The following RUBCNL variants were observed in gnomAD, a reference collection of about 807,000 sequenced individuals.
The protein encoded by RUBCNL is protein associated with UVRAG as autophagy enhancer.
In RUBCNL, 62 loss-of-function variants were observed where a neutral mutation model predicts 69.5. The observed-to-expected ratio is 0.89, with a 90% CI of 0.73 to 1.10. The LOEUF (loss-of-function observed/expected upper bound fraction) is 1.10. Among genes scored for constraint, RUBCNL ranks in the 50% least tolerant of loss-of-function variants. RUBCNL has a pLI of 0.00. For missense variants in RUBCNL, 768 were observed against 798.1 expected, an observed-to-expected ratio of 0.96 and a Z score of 0.45; for synonymous variants, 291 against 303.6, an observed-to-expected ratio of 0.96 and a Z score of 0.43.
intron 1 of RUBCNL, among the ~76,000 whole-genome samples, chr13:46,379,080 C>T (rs1374833384): frequency 6.6e-6 from 1 of 151,972 alleles, no homozygotes; most frequent in African/African-American, 2.4e-5. Context: ...CTATGAGGGC[C>T]CTTTTATTTT....
At position 46,343,327 on chromosome 13, in the gene RUBCNL, A is replaced by C; in HGVS notation, c.*58T>G. 6.3e-7 allele frequency: 1 copy of C among 1,580,144 alleles called. No individual in the cohort carries two copies. Among genetic ancestry groups the C allele is most frequent in the Non-Finnish European group, 8.6e-7 (1 of 1,160,276 alleles). ...TAAAACAATGTCACCAATAATAGAC[A>C]CAAATCGGTGTTATCATAAGGCATG... On this transcript the variant is annotated 3_prime_UTR_variant, in exon 15 of 15. Transcript: ENST00000429979.
intron 12 of RUBCNL, among the ~76,000 whole-genome samples, chr13:46,348,164 C>T (rs1214914329): frequency 1.3e-5 from 2 of 152,086 alleles, no homozygotes; most frequent in East Asian, 1.9e-4. Context: ...ATAGTGGCTG[C>T]CAGGAGTTAG....
intron 14 of RUBCNL, 26 bp from the exon 15 acceptor site, chr13:46,343,523 G>A (rs1364824497): frequency 6.2e-7 from 1 of 1,607,006 alleles, no homozygotes; most frequent in South Asian, 1.1e-5. Flanking sequence ...AGAGCCGTTA[G>A]CAAACGGTCT....
intron 9 of RUBCNL, 93 bp downstream of exon 9, chr13:46,359,393 T>C (rs2138737375): frequency 6.0e-6 from 6 of 1,004,102 alleles, no homozygotes; most frequent in East Asian, 2.9e-5. Context: ...CTTTAGCATA[T>C]GTATTTTTTT....
chr13:46,343,534 A>G (rs2048178782), intron 14 of RUBCNL, 37 bp from the exon 15 acceptor site: 2 of 1,594,056 alleles, frequency 1.3e-6, no homozygotes, highest in African/African-American at 2.7e-5. Context: ...CAAACGGTCT[A>G]TCTTGTTTTC....
In RUBCNL at chr13:46,377,915, C is replaced by G; in HGVS notation, c.-148G>C. 2 of 1,609,212 alleles carry G rather than the reference C, an allele frequency of 1.2e-6. No homozygotes were observed. Among genetic ancestry groups the G allele is most frequent in the African/African-American group, 1.3e-5 (1 of 74,990 alleles). ...CAGGAGTATGAATTTCTCGAAGAGGCAGATTGACACAGAGGAGAAAGTAAT... is the reference window on the plus strand; with the variant it reads ...CAGGAGTATGAATTTCTCGAAGAGGGAGATTGACACAGAGGAGAAAGTAAT... On this transcript the variant is annotated 5_prime_UTR_variant, in exon 2 of 15. Coordinates refer to ENST00000429979, the MANE Select transcript of RUBCNL (RefSeq NM_025113.5).
chr13:46,387,870 C>T, upstream of RUBCNL: 6 of 984,768 alleles, frequency 6.1e-6, no homozygotes, highest in Non-Finnish European at 6.0e-6. Context: ...CATGGTGGTG[C>T]TAGGAGAACC....
intron 9 of RUBCNL, among the ~76,000 whole-genome samples, chr13:46,359,110 C>T (rs2048554446): frequency 6.6e-6 from 1 of 151,892 alleles, no homozygotes; most frequent in Non-Finnish European, 1.5e-5. Flanking sequence ...GAAACCCCAT[C>T]TCTAATTTTT....
At chr13:46,357,111 G>A (rs1374910111) in intron 9 of RUBCNL, among the ~76,000 whole-genome samples, 1 of 150,970 alleles carries the variant, frequency 6.6e-6, no homozygotes, top group Admixed American at 6.6e-5. Context: ...GGGAGGCTGA[G>A]GCAGGCGGAT....
At position 46,340,709 on chromosome 13, in the gene RUBCNL, G is replaced by A. The variant is rs1470647535; in HGVS notation, c.*2676C>T. Among the ~76,000 whole-genome samples, 3 of 152,276 alleles carry A rather than the reference G, an allele frequency of 2.0e-5. No individual in the cohort carries two copies. Among genetic ancestry groups the A allele is most frequent in the Admixed American group, 1.3e-4 (2 of 15,294 alleles). ...TTCCACTCATGGTGGAGGGGAAGGG[G>A]AGCCTGCGTGTGCAGACTCCCCTTG... On this transcript the variant is annotated 3_prime_UTR_variant, in exon 15 of 15. Coordinates refer to ENST00000429979, the MANE Select transcript of RUBCNL (RefSeq NM_025113.5).
At chr13:46,377,861 G>A (rs998590363) in intron 2 of RUBCNL, 29 bp downstream of exon 2, 2 of 1,360,276 alleles carry the variant, frequency 1.5e-6, no homozygotes, top group Non-Finnish European at 2.1e-6. Flanking sequence ...GTGGCAGAGA[G>A]AAGACAAAAG....
At chr13:46,364,346 A>G (rs1253365184) in intron 5 of RUBCNL, among the ~76,000 whole-genome samples, 1 of 152,202 alleles carries the variant, frequency 6.6e-6, no homozygotes, top group Admixed American at 6.5e-5. Flanking sequence ...GCAGTAAGCT[A>G]AAACCACACC....
Position 46,368,197 on chromosome 13 carries a change from A to G in RUBCNL, c.671T>C (p.Met224Thr). 1 of 1,613,956 alleles carries G rather than the reference A, an allele frequency of 6.2e-7. No homozygotes were observed. Among genetic ancestry groups the G allele is most frequent in the Non-Finnish European group, 8.5e-7 (1 of 1,179,884 alleles). ...CTGTTGACTCAGAATGTTACACTTC[A>G]TTTTCTCCATTGCTGATATAATCAT... ...ADMIISAMEK[M>T]KCNILSQQQT... The change falls in exon 5 of 15, where the codon ATG (methionine) becomes ACG (threonine). Residue 224 changes from methionine to threonine, a missense_variant. Transcript: ENST00000429979.
chr13:46,366,264 T>C (rs1482943046), intron 5 of RUBCNL, among the ~76,000 whole-genome samples: 1 of 152,224 alleles, frequency 6.6e-6, no homozygotes, highest in African/African-American at 2.4e-5. Context: ...CATCAGGTGC[T>C]CTGTCCTGGG....
Position 46,368,815 on chromosome 13 carries a change from C to A in RUBCNL, c.536G>T (p.Gly179Val). The A allele has an allele frequency of 6.2e-7, 1 of 1,609,760 alleles. No individual in the cohort carries two copies. Among genetic ancestry groups the A allele is most frequent in the Non-Finnish European group, 8.5e-7 (1 of 1,177,964 alleles). Reference sequence around the variant, plus strand: ...GGTTCTTCTACTGACTTGAACAGCACCTGCCAATATAGCAAATTGTTAAAA... The same window carrying A: ...GGTTCTTCTACTGACTTGAACAGCAACTGCCAATATAGCAAATTGTTAAAA... Reference protein sequence around the residue: ...PSHLTSAADEGAVQVSRRTIS... With the variant: ...PSHLTSAADEVAVQVSRRTIS... Residue 179 changes from glycine (G) to valine (V), a missense_variant and splice_region_variant, in exon 4 of 15, where the codon GGT (glycine) becomes GTT (valine). Gly to Val is a moderately radical substitution (Grantham distance 109, BLOSUM62 -3). Coordinates refer to ENST00000429979, the MANE Select transcript of RUBCNL (RefSeq NM_025113.5).
intron 10 of RUBCNL, chr13:46,350,741 C>G (rs951941163): frequency 1.1e-5 from 2 of 185,434 alleles, no homozygotes; most frequent in African/African-American, 4.7e-5. Context: ...TCTGAGACCA[C>G]AAAATGCAAC....
At chr13:46,362,687 C>A (rs1249375844) in intron 6 of RUBCNL, 89 bp from the exon 7 acceptor site, 2 of 874,520 alleles carry the variant, frequency 2.3e-6, no homozygotes, top group East Asian at 5.4e-5. Context: ...AAAATCACTC[C>A]CTGCATCTCA....
Position 46,377,921 on chromosome 13 carries a change from G to A in RUBCNL, c.-154C>T, listed in dbSNP as rs747840554. The A allele has an allele frequency of 2.5e-6, 4 of 1,609,636 alleles. No individual in the cohort carries two copies. In the East Asian group the frequency reaches 8.9e-5, roughly 36 times the overall value. ...TATGAATTTCTCGAAGAGGCAGATT[G>A]ACACAGAGGAGAAAGTAATGATTGG... is the stretch of plus-strand genomic sequence containing the variant. On this transcript the variant is annotated 5_prime_UTR_variant, in exon 2 of 15. An upstream open reading frame in the 5' UTR gains an earlier in-frame stop. Transcript: ENST00000429979.
chr13:46,363,369 C>T (rs559799558), intron 5 of RUBCNL, among the ~76,000 whole-genome samples, 156 bp from the exon 6 acceptor site: 1 of 152,182 alleles, frequency 6.6e-6, no homozygotes, highest in Non-Finnish European at 1.5e-5. Flanking sequence ...AACTGGGGAA[C>T]TATTTGTGTG....
Sources: gnomAD v4.1 joint callset for allele counts (sites outside exome capture counted in the v4.1 genomes callset) on GRCh38, gnomAD v4.1.1 for gene constraint, MANE v1.5 for transcripts, NCBI Gene and HGNC (gene_info 2026-07-23, HGNC 2026-07-21) for gene names.